GALNT17: variants seen among roughly 807,000 people sequenced by gnomAD.
The protein encoded by GALNT17 is polypeptide N-acetylgalactosaminyltransferase 17, also known as UDP-GalNAc:polypeptide N-acetylgalactosaminyltransferase-like 3.
Under a neutral mutation model 63.7 loss-of-function variants are expected in GALNT17, and 29 were observed. The observed-to-expected ratio is 0.46, with a 90% CI of 0.34 to 0.62. The LOEUF is 0.62. Ranked by LOEUF, GALNT17 falls within the 20% of genes least tolerant of loss-of-function variation. The pLI, the probability that GALNT17 is intolerant of heterozygous loss-of-function variation, is 0.01. For missense variants in GALNT17, 603 were observed against 799.6 expected, an observed-to-expected ratio of 0.75 and a Z score of 2.97; for synonymous variants, 305 against 318.3, an observed-to-expected ratio of 0.96 and a Z score of 0.45.
chr7:71,443,315 G>A (rs1016950770), intron 5 of GALNT17, among the ~76,000 whole-genome samples: 4 of 152,082 alleles, frequency 2.6e-5, no homozygotes, highest in Admixed American at 6.6e-5. Flanking sequence ...GAAGCATGAC[G>A]GTCTTTACAC....
chr7:71,681,037 C>G (rs899449585), intron 9 of GALNT17, among the ~76,000 whole-genome samples: 2 of 151,992 alleles, frequency 1.3e-5, no homozygotes, highest in Non-Finnish European at 2.9e-5. Flanking sequence ...GTAGCTGGGA[C>G]TAAAGGCAGA....
intron 1 of GALNT17, among the ~76,000 whole-genome samples, chr7:71,261,124 C>T (rs528274948): frequency 1.3e-5 from 2 of 152,278 alleles, no homozygotes; most frequent in African/African-American, 2.4e-5. Flanking sequence ...TGGATTATAT[C>T]AGAAAATCTG....
intron 5 of GALNT17, among the ~76,000 whole-genome samples, chr7:71,496,926 A>T (rs1025785273): frequency 3.3e-5 from 5 of 151,860 alleles, no homozygotes; most frequent in African/African-American, 1.2e-4. Context: ...TTAAAAAAAA[A>T]AAATAACCAA....
intron 1 of GALNT17, among the ~76,000 whole-genome samples, chr7:71,169,469 C>T (rs17142629): frequency 0.081 from 12,360 of 152,244 alleles, 548 homozygotes; most frequent in Non-Finnish European, 0.085. Flanking sequence ...CGGGAAAAGC[C>T]AGTGTGGTCT....
At chr7:71,509,705 G>A (rs1788323455) in intron 5 of GALNT17, among the ~76,000 whole-genome samples, 1 of 152,140 alleles carries the variant, frequency 6.6e-6, no homozygotes, top group South Asian at 2.1e-4. Flanking sequence ...TTTGGGAGCT[G>A]ATCCCAGAAA....
intron 5 of GALNT17, among the ~76,000 whole-genome samples, chr7:71,430,101 T>A (rs1786833364): frequency 6.6e-6 from 1 of 151,864 alleles, no homozygotes; most frequent in South Asian, 2.1e-4. Context: ...CTTCCCTTAT[T>A]CTCCCAAAGC....
At chr7:71,421,762 C>T (rs1239545245) in intron 5 of GALNT17, among the ~76,000 whole-genome samples, 1 of 152,028 alleles carries the variant, frequency 6.6e-6, no homozygotes, top group African/African-American at 2.4e-5. Flanking sequence ...TCAGCCTGGC[C>T]AACATGGCGA....
At chr7:71,265,116 A>ATTTTTTTTTT (rs1562957669) in intron 1 of GALNT17, among the ~76,000 whole-genome samples, 1 of 59,036 alleles carries the variant, frequency 1.7e-5, no homozygotes, top group Non-Finnish European at 3.3e-5. Context: ...ATATATATAT[A>ATTTTTTTTTT]TATTTTTTTT....
At chr7:71,148,683 G>A (rs191215124) in intron 1 of GALNT17, among the ~76,000 whole-genome samples, 1 of 151,738 alleles carries the variant, frequency 6.6e-6, no homozygotes, top group African/African-American at 2.4e-5. Flanking sequence ...ATACATAATT[G>A]TATTTTGTCT....
In GALNT17 at chr7:71,661,152, C is replaced by A. The variant is rs116778148; in HGVS notation, c.1081-4259C>A. Among the ~76,000 whole-genome samples the A allele has an allele frequency of 1.8e-3, 277 of 152,282 alleles. 1 individual carries two copies. Among genetic ancestry groups the A allele is most frequent in the African/African-American group, 6.4e-3 (267 of 41,562 alleles). On this transcript the variant is annotated intron_variant, in intron 6 of 10. Transcript: ENST00000333538. The stretch of plus-strand genomic sequence containing the variant: ...CCAACCAGGCACCCAGAGTGAGGGA[C>A]AGGGCTGTGACTGAAGAGAAGTCAA...
intron 3 of GALNT17, among the ~76,000 whole-genome samples, chr7:71,389,912 A>G (rs1281672334): frequency 1.3e-5 from 2 of 152,160 alleles, no homozygotes; most frequent in East Asian, 3.9e-4. Context: ...TTGCATGTCA[A>G]TAACAAAACT....
intron 1 of GALNT17, among the ~76,000 whole-genome samples, chr7:71,168,885 A>G (rs1269169885): frequency 6.6e-6 from 1 of 152,146 alleles, no homozygotes; most frequent in Admixed American, 6.5e-5. Flanking sequence ...GATAAACTCT[A>G]CCTGTCCATC....
intron 6 of GALNT17, among the ~76,000 whole-genome samples, chr7:71,653,829 T>G (rs549312929): frequency 6.6e-6 from 1 of 152,176 alleles, no homozygotes; most frequent in South Asian, 2.1e-4. Flanking sequence ...GAAAAGAACA[T>G]TAGTGCTCCC....
At chr7:71,255,166 C>G (rs1451933213) in intron 1 of GALNT17, among the ~76,000 whole-genome samples, 5 of 152,190 alleles carry the variant, frequency 3.3e-5, no homozygotes, top group Non-Finnish European at 7.4e-5. Flanking sequence ...TGTCCCCACC[C>G]AAATCTCATC....
At chr7:71,610,029 A>C (rs983453568) in intron 6 of GALNT17, among the ~76,000 whole-genome samples, 3 of 152,186 alleles carry the variant, frequency 2.0e-5, no homozygotes, top group Non-Finnish European at 2.9e-5. Context: ...AACTGTGTCC[A>C]TGAATCAGTC....
intron 2 of GALNT17, among the ~76,000 whole-genome samples, chr7:71,363,143 T>G (rs1487068405): frequency 6.6e-6 from 1 of 151,992 alleles, no homozygotes; most frequent in Non-Finnish European, 1.5e-5. Context: ...ATTTTTGTAT[T>G]TTTAGTAGAG....
intron 1 of GALNT17, among the ~76,000 whole-genome samples, chr7:71,154,484 C>A (rs1788194322): frequency 6.6e-6 from 1 of 152,200 alleles, no homozygotes; most frequent in African/African-American, 2.4e-5. Flanking sequence ...CCAGTTGGAA[C>A]ATGAGGTCAG....
intron 6 of GALNT17, among the ~76,000 whole-genome samples, chr7:71,602,364 C>G (rs1789978727): frequency 2.0e-5 from 3 of 152,136 alleles, no homozygotes; most frequent in African/African-American, 7.2e-5. Context: ...AGGCAGCTCC[C>G]AGCTCCCAGC....
intron 6 of GALNT17, among the ~76,000 whole-genome samples, chr7:71,572,813 G>C (rs1002115164): frequency 1.3e-5 from 2 of 152,030 alleles, no homozygotes; most frequent in African/African-American, 2.4e-5. Flanking sequence ...GGCTCTGCAG[G>C]CTTGGTGGTG....
Sources: gnomAD v4.1 joint callset for allele counts (sites outside exome capture counted in the v4.1 genomes callset) on GRCh38, gnomAD v4.1.1 for gene constraint, MANE v1.5 for transcripts, NCBI Gene and HGNC (gene_info 2026-07-23, HGNC 2026-07-21) for gene names.